Variants in C3 observed in about 807,000 individuals in gnomAD.
C3 encodes the protein complement C3.
A neutral mutation model predicts 207.9 loss-of-function variants in C3; 97 were observed. The ratio of observed to expected loss-of-function variants is 0.47; its 90% CI spans 0.40 to 0.55. C3 has a LOEUF of 0.55. Ranked by LOEUF, C3 falls within the 20% of genes least tolerant of loss-of-function variation. C3 has a pLI of 0.00. For synonymous variants in C3, 848 were observed against 857.6 expected (o/e 0.99, Z 0.20); for missense variants, 1,684 against 2,171.7 (o/e 0.78, Z 4.46).
intron 27 of C3, among the ~76,000 whole-genome samples, chr19:6,689,360 C>CCTCTCTCTCTCTCTCTCTCTCTCT (rs1218148901): frequency 1.2e-4 from 2 of 16,532 alleles, no homozygotes; most frequent in African/African-American, 5.3e-4. Flanking sequence ...TCCCTCCCTC[C>CCTCTCTCTCTCTCTCTCTCTCTCT]CTCTCTCTCT....
intron 27 of C3, among the ~76,000 whole-genome samples, chr19:6,689,320 T>TCTCTCC (rs1555684196): frequency 2.8e-5 from 2 of 72,342 alleles, no homozygotes; most frequent in African/African-American, 1.3e-4. Context: ...TCTCTCTCTC[T>TCTCTCC]CTACCTACCT....
chr19:6,717,889 C>G (rs571904147), intron 4 of C3: 9 of 646,380 alleles, frequency 1.4e-5, no homozygotes, highest in East Asian at 8.3e-5. Context: ...TATCTCTTTG[C>G]CTCTGTGTGT....
chr19:6,685,169 A>G, intron 29 of C3, 23 bp from the exon 30 acceptor site: 2 of 1,611,538 alleles, frequency 1.2e-6, no homozygotes, highest in Non-Finnish European at 1.7e-6. Flanking sequence ...AGAGAGAAAG[A>G]TGGTGATCTG....
In C3 at chr19:6,677,933, C is replaced by T. The variant is rs780251209; in HGVS notation, c.4941G>A (p.Gln1647=). The T allele has an allele frequency of 7.6e-6, 12 of 1,580,234 alleles. No individual in the cohort carries two copies. The East Asian group carries it at 1.4e-4, about 18-fold the overall frequency. Residue 1647 remains glutamine, a synonymous_variant, in exon 41 of 41, where the codon CAG becomes CAA. Coordinates refer to ENST00000245907, the MANE Select transcript of C3 (RefSeq NM_000064.4). ...TGCTCTCGGTGAAGGCGCCGAGGTCCTGGCATTGTTTCTGGTTCTCTTCGT... is the reference window on the plus strand; with the variant it reads ...TGCTCTCGGTGAAGGCGCCGAGGTCTTGGCATTGTTTCTGGTTCTCTTCGT... ...CQDEENQKQC[Q]DLGAFTESMV... is the part of the protein sequence containing the mutation.
At chr19:6,680,688 A>T (rs1265572859) in intron 35 of C3, among the ~76,000 whole-genome samples, 1 of 152,134 alleles carries the variant, frequency 6.6e-6, no homozygotes, top group Non-Finnish European at 1.5e-5. Flanking sequence ...GAGAAATACA[A>T]GTCTGTTGTG....
rs1486909622 is a variant in C3 at position 6,686,036 on chromosome 19, C to T, written c.3810+88G>A. 9.6e-6 allele frequency: 13 copies of T among 1,347,976 alleles called. No individual in the cohort carries two copies. In the South Asian group the frequency reaches 1.1e-4, roughly 11 times the overall value. 83.5% of individuals were successfully genotyped at this position (1,347,976 alleles called of 1,614,324 possible). On this transcript the variant is annotated intron_variant, in intron 29 of 40. Transcript: ENST00000245907. ...GGCTCGTGGGAATGAAGAACTGCCT[C>T]GCTGGGCCTCAGTGTCTTCTCTAGG... is the stretch of plus-strand genomic sequence containing the variant.
intron 18 of C3, 45 bp downstream of exon 18, chr19:6,702,425 CG>C: frequency 1.6e-6 from 2 of 1,274,694 alleles, no homozygotes; most frequent in Middle Eastern, 1.8e-4. Flanking sequence ...GCAAATTAAA[CG>C]GTCTGACTCT....
rs1038709259 is a variant in C3 at position 6,695,553 on chromosome 19, T to C, written c.2950+826A>G. Among the ~76,000 whole-genome samples the C allele has an allele frequency of 9.9e-5, 15 of 152,002 alleles. 1 individual carries two copies. Among genetic ancestry groups the C allele is most frequent in the South Asian group, 6.2e-4 (3 of 4,828 alleles). On this transcript the variant is annotated intron_variant, in intron 23 of 40. Transcript: ENST00000245907. ...GGAGTGCAGTGGCCTGATCTCGGCT[T>C]ACTGCAACCTACGCCTCCCACGTTC...
chr19:6,703,759 T>C (rs948002417), intron 17 of C3, among the ~76,000 whole-genome samples: 9 of 151,546 alleles, frequency 5.9e-5, no homozygotes, highest in Non-Finnish European at 1.2e-4. Context: ...TGCAGAACAC[T>C]GAAGAAGCGG....
intron 17 of C3, among the ~76,000 whole-genome samples, chr19:6,706,657 C>T (rs1218120992): frequency 6.7e-6 from 1 of 149,444 alleles, no homozygotes; most frequent in African/African-American, 2.5e-5. Flanking sequence ...GGCCTCCTCC[C>T]TCCTCAGACA....
Position 6,689,292 on chromosome 19 carries a change from A to ACAGTCCCCCAC in C3, c.3489+1336_3489+1337insGTGGGGGACTG, listed in dbSNP as rs1451605182. On this transcript the variant is annotated intron_variant, in intron 27 of 40. Coordinates refer to ENST00000245907, the MANE Select transcript of C3 (RefSeq NM_000064.4). ...TTTGAAGTCAGATTTGTCTGACCCC[A>ACAGTCCCCCAC]CCTCTCCTCTCTCTCTCTCTCTCTC... Among the ~76,000 whole-genome samples the ACAGTCCCCCAC allele has an allele frequency of 3.1e-3, 288 of 91,476 alleles. 1 individual carries two copies. The highest frequency in any genetic ancestry group is 4.2e-3 in the Non-Finnish European group (183 of 43,896). The allele number at this position is 91,476 out of a possible 152,430, so 60.0% of individuals were successfully genotyped here.
At chr19:6,681,484 T>G (rs998451901) in intron 35 of C3, among the ~76,000 whole-genome samples, 7 of 151,822 alleles carry the variant, frequency 4.6e-5, no homozygotes, top group African/African-American at 1.7e-4. Flanking sequence ...AATTTGACTT[T>G]GCAGTGAGCT....
At chr19:6,692,528 G>T (rs930428776) in intron 26 of C3, among the ~76,000 whole-genome samples, 1 of 152,154 alleles carries the variant, frequency 6.6e-6, no homozygotes. Context: ...AATAAGGAGG[G>T]GCGGGGAGAG....
Position 6,719,656 on chromosome 19 carries a change from C to T in C3, c.75-253G>A, listed in dbSNP as rs376458681. On this transcript the variant is annotated intron_variant, in intron 1 of 40. Coordinates refer to ENST00000245907, the MANE Select transcript of C3 (RefSeq NM_000064.4). The surrounding 1 kb of genome is among the most constrained non-coding windows in gnomAD (Gnocchi z 5.4). The stretch of plus-strand genomic sequence containing the variant: ...GCCTGGCCTTTGAAAGCCTGGGCAA[C>T]GAGGGGGCCACACATCCCACCAAAC... Among the ~76,000 whole-genome samples, 8 of 140,924 alleles carry T rather than the reference C, an allele frequency of 5.7e-5. No homozygotes were observed. The highest frequency in any genetic ancestry group is 2.2e-4 in the African/African-American group (8 of 35,982). 92.5% of individuals were successfully genotyped at this position (140,924 alleles called of 152,430 possible).
intron 5 of C3, 31 bp downstream of exon 5, chr19:6,714,321 C>T: frequency 6.2e-7 from 1 of 1,608,314 alleles, no homozygotes; most frequent in Non-Finnish European, 8.5e-7. Flanking sequence ...ATAGGGGAGC[C>T]CTGAGCCCCC....
Position 6,677,889 on chromosome 19 carries a change from G to T in C3, c.4985C>A (p.Pro1662His), listed in dbSNP as rs1339837166. Residue 1662 changes from proline to histidine, a missense_variant, in exon 41 of 41, where the codon CCC (proline) becomes CAC (histidine). By Grantham distance (77) the Pro-to-His change is moderately conservative. This residue lies in a region of C3 where 346 missense variants were observed against 380.1 expected (regional missense o/e 0.91). Coordinates refer to ENST00000245907, the MANE Select transcript of C3 (RefSeq NM_000064.4). The stretch of plus-strand genomic sequence containing the variant: ...GGGGGAATGGGGGTGTGGTCAGTTG[G>T]GGCACCCAAAGACAACCATGCTCTC... ...FTESMVVFGC[P>H]N is the part of the protein sequence containing the mutation. 1 of 1,613,976 alleles carries T rather than the reference G, an allele frequency of 6.2e-7. No homozygotes were observed. The highest frequency in any genetic ancestry group is 2.2e-5 in the East Asian group (1 of 44,866).
chr19:6,694,371 A>C (rs1319712618), intron 24 of C3, 60 bp downstream of exon 24: 1 of 1,477,890 alleles, frequency 6.8e-7, no homozygotes, highest in Non-Finnish European at 9.5e-7. Context: ...GTGGGATCTT[A>C]GGGGAGGGAT....
rs12609788 is a variant in C3 at position 6,689,523 on chromosome 19, G to A, written c.3489+1106C>T. ...GGTGGAATCCTGGGCTTCCCACTTGGAAAGCTAAACGTTAAACAACCCACT... is the reference window on the plus strand; with the variant it reads ...GGTGGAATCCTGGGCTTCCCACTTGAAAAGCTAAACGTTAAACAACCCACT... On this transcript the variant is annotated intron_variant, in intron 27 of 40. Transcript: ENST00000245907. 3.1e-3 allele frequency among the ~76,000 whole-genome samples: 465 copies of A among 152,090 alleles called. 8 individuals are homozygous for A. In the East Asian group the frequency reaches 0.039, roughly 13 times the overall value.
chr19:6,706,114 A>G (rs773471718), intron 17 of C3, among the ~76,000 whole-genome samples: 16 of 152,258 alleles, frequency 1.1e-4, no homozygotes, highest in Non-Finnish European at 1.9e-4. Flanking sequence ...CGAGTTTGGC[A>G]GGTCTTTCTG....
Sources: gnomAD v4.1 joint callset for allele counts (sites outside exome capture counted in the v4.1 genomes callset) on GRCh38, gnomAD v4.1.1 for gene constraint, gnomAD v4.1.1 regional missense constraint, Gnocchi (gnomAD v3.1) non-coding constraint, MANE v1.5 for transcripts, NCBI Gene and HGNC (gene_info 2026-07-23, HGNC 2026-07-21) for gene names.